The following CCDC191 variants were observed in gnomAD, a reference collection of about 807,000 sequenced individuals.
The protein encoded by CCDC191 is coiled-coil domain containing 191.
In CCDC191, 99 loss-of-function variants were observed where a neutral mutation model predicts 114.0. The ratio of observed to expected loss-of-function variants is 0.87; its 90% CI spans 0.74 to 1.03. CCDC191 has a LOEUF of 1.03. CCDC191 is among the 50% of genes least tolerant of loss of function. CCDC191 has a pLI of 0.00. For missense variants in CCDC191, 973 were observed against 1,087.0 expected, an observed-to-expected ratio of 0.90 and a Z score of 1.47; for synonymous variants, 351 against 376.0, an observed-to-expected ratio of 0.93 and a Z score of 0.77.
chr3:114,054,638 A>AAAAC (rs941712851), intron 1 of CCDC191, among the ~76,000 whole-genome samples: 54 of 152,024 alleles, frequency 3.6e-4, no homozygotes, highest in South Asian at 2.9e-3. Context: ...CTCTGTCTCA[A>AAAAC]AAACAAACAA....
chr3:114,056,027 AAGAG>A (rs1028804420), intron 1 of CCDC191, among the ~76,000 whole-genome samples: 32 of 151,858 alleles, frequency 2.1e-4, no homozygotes, highest in Non-Finnish European at 3.5e-4. Context: ...AAAAAAAAAA[AAGAG>A]AGAGAAAAAG....
chr3:114,026,681 G>A (rs952793781), intron 7 of CCDC191, among the ~76,000 whole-genome samples: 1 of 152,192 alleles, frequency 6.6e-6, no homozygotes, highest in Non-Finnish European at 1.5e-5. Context: ...CATTCTGTCA[G>A]AGAAAAACTC....
intron 3 of CCDC191, 82 bp from the exon 4 acceptor site, chr3:114,042,928 T>TGA: frequency 7.7e-7 from 1 of 1,303,822 alleles, no homozygotes; most frequent in Non-Finnish European, 1.1e-6. Context: ...ATTCAATAAA[T>TGA]ATTAATTGAG....
At chr3:114,038,895 G>A (rs1022453880) in intron 4 of CCDC191, among the ~76,000 whole-genome samples, 41 of 152,282 alleles carry the variant, frequency 2.7e-4, no homozygotes, top group African/African-American at 9.9e-4. Context: ...GTGGCAGGGG[G>A]AGGAAGAGCA....
chr3:114,009,160 T>C (rs575381385), intron 9 of CCDC191, among the ~76,000 whole-genome samples: 1 of 152,272 alleles, frequency 6.6e-6, no homozygotes, highest in Admixed American at 6.5e-5. Flanking sequence ...TTGCTCTAGA[T>C]GAGTGAATGT....
intron 8 of CCDC191, among the ~76,000 whole-genome samples, chr3:114,013,307 T>C (rs2076104517): frequency 6.6e-6 from 1 of 151,700 alleles, no homozygotes; most frequent in Non-Finnish European, 1.5e-5. Flanking sequence ...TCTGTATTTG[T>C]GGTTTGAGGC....
Position 114,018,856 on chromosome 3 carries a change from A to G in CCDC191, c.985T>C (p.Tyr329His). ...ATCAGCTTGTGCCAGGCAGCGAAAT[A>G]CCGTTTTTGACACTGCAGCGGAAAT... is the stretch of plus-strand genomic sequence containing the variant. ...FKENQQCQKR[Y>H]FAAWHKLILD... Residue 329 changes from tyrosine to histidine, a missense_variant, in exon 8 of 17, where the codon TAT (tyrosine) becomes CAT (histidine). Transcript: ENST00000295878. The G allele has an allele frequency of 6.2e-7, 1 of 1,613,464 alleles. No homozygotes were observed. The highest frequency in any genetic ancestry group is 1.1e-5 in the South Asian group (1 of 91,042).
chr3:114,018,791 C>A lies in CCDC191; in HGVS notation c.1050G>T (p.Leu350=), dbSNP rs2076202595. 5 of 1,613,932 alleles carry A rather than the reference C, an allele frequency of 3.1e-6. No individual in the cohort carries two copies. Among genetic ancestry groups the A allele is most frequent in the Non-Finnish European group, 4.2e-6 (5 of 1,179,868 alleles). Residue 350 remains leucine, a synonymous_variant, in exon 8 of 17, where the codon CTG becomes CTT. Coordinates refer to ENST00000295878, the MANE Select transcript of CCDC191 (RefSeq NM_020817.2). ...HRIKLGKAGT[L]SDWKIQLKVL... ...CCTTCAGCTGAATCTTCCAGTCAGACAGGGTCCCAGCTTTCCCCAGCTTAA... is the reference window on the plus strand; with the variant it reads ...CCTTCAGCTGAATCTTCCAGTCAGAAAGGGTCCCAGCTTTCCCCAGCTTAA...
At position 113,994,502 on chromosome 3, in the gene CCDC191, C is replaced by G. The variant is rs9881583; in HGVS notation, c.2163+7093G>C. On this transcript the variant is annotated intron_variant, in intron 13 of 16. Transcript: ENST00000295878. Reference sequence around the variant, plus strand: ...TTTGGCAATTACCTATAAACTTAAACATTGACTTACCACACTACCTAGCAA... The same window carrying G: ...TTTGGCAATTACCTATAAACTTAAAGATTGACTTACCACACTACCTAGCAA... Among the ~76,000 whole-genome samples the G allele has an allele frequency of 3.8e-3, 574 of 151,900 alleles. 4 individuals are homozygous for G. The highest frequency in any genetic ancestry group is 0.013 in the African/African-American group (537 of 41,422).
At position 114,034,935 on chromosome 3, in the gene CCDC191, C is replaced by T. The variant is rs2076460534; in HGVS notation, c.808G>A (p.Ala270Thr). 1.9e-6 allele frequency: 3 copies of T among 1,613,762 alleles called. No homozygotes were observed. Among genetic ancestry groups the T allele is most frequent in the Non-Finnish European group, 1.7e-6 (2 of 1,179,894 alleles). The change falls in exon 6 of 17, where the codon GCA (alanine) becomes ACA (threonine). Residue 270 changes from alanine (A) to threonine (T), a missense_variant. Coordinates refer to ENST00000295878, the MANE Select transcript of CCDC191 (RefSeq NM_020817.2). ...IIERRRTVKA[A>T]WKIEKKRQEE... ...ATCACACTGGCTTACATTTTCCATG[C>T]TGCTTTCACAGTGCGTCTCCTCTCA...
At chr3:113,989,045 C>T (rs1329728967) in intron 13 of CCDC191, among the ~76,000 whole-genome samples, 1 of 152,196 alleles carries the variant, frequency 6.6e-6, no homozygotes, top group Non-Finnish European at 1.5e-5. Context: ...ATCTGCCTGC[C>T]TCAGCCTCCC....
intron 16 of CCDC191, among the ~76,000 whole-genome samples, chr3:113,971,636 TTTC>T (rs1940831683): frequency 6.6e-6 from 1 of 152,192 alleles, no homozygotes; most frequent in African/African-American, 2.4e-5. Context: ...AGTTTTCTTT[TTTC>T]TTATCATGTC....
At chr3:113,972,253 C>T (rs1409643969) in intron 16 of CCDC191, among the ~76,000 whole-genome samples, 1 of 151,994 alleles carries the variant, frequency 6.6e-6, no homozygotes, top group Non-Finnish European at 1.5e-5. Context: ...TTTACTATAA[C>T]CTATAGATTT....
intron 13 of CCDC191, among the ~76,000 whole-genome samples, chr3:113,994,643 G>C (rs1030108872): frequency 1.4e-5 from 2 of 147,848 alleles, no homozygotes; most frequent in Non-Finnish European, 3.0e-5. Context: ...GAGTGCAGTA[G>C]CAAAATAATA....
intron 7 of CCDC191, among the ~76,000 whole-genome samples, chr3:114,021,906 A>G (rs1045640441): frequency 1.3e-5 from 2 of 152,056 alleles, no homozygotes; most frequent in African/African-American, 2.4e-5. Flanking sequence ...TTTTTGTACC[A>G]TGTTTTTATT....
intron 12 of CCDC191, among the ~76,000 whole-genome samples, chr3:114,002,054 C>T (rs1436401246): frequency 6.6e-6 from 1 of 152,132 alleles, no homozygotes; most frequent in Admixed American, 6.5e-5. Flanking sequence ...AGAAAACCCC[C>T]AATTGTTGGA....
chr3:114,002,563 A>G, intron 11 of CCDC191, 25 bp from the exon 12 acceptor site: 1 of 1,533,368 alleles, frequency 6.5e-7, no homozygotes. Context: ...CAGAGTTCTA[A>G]TATTTTTTAT....
intron 4 of CCDC191, 124 bp from the exon 5 acceptor site, chr3:114,036,910 G>A (rs1428655875): frequency 1.8e-6 from 1 of 548,744 alleles, no homozygotes. Flanking sequence ...TCAATAAATA[G>A]TAACTGATAA....
In CCDC191 at chr3:114,035,004, C is replaced by T. The variant is rs1295564781; in HGVS notation, c.739G>A (p.Glu247Lys). The T allele has an allele frequency of 1.2e-6, 2 of 1,613,986 alleles. No individual in the cohort carries two copies. Among genetic ancestry groups the T allele is most frequent in the Non-Finnish European group, 1.7e-6 (2 of 1,180,012 alleles). The change falls in exon 6 of 17, where the codon GAG becomes AAG. Residue 247 changes from glutamate to lysine, a missense_variant. Physicochemically the swap from Glu to Lys is moderately conservative, Grantham distance 56. Transcript: ENST00000295878. ...TTCACCATCTCCCTTTGAATCTCCT[C>T]TTCCTCTTTCTTGGCCTCCAGAGCC... ...RKALEAKKEEEEIQREMVKLR... is the reference protein window; with the variant it reads ...RKALEAKKEEKEIQREMVKLR...
Sources: gnomAD v4.1 joint callset for allele counts (sites outside exome capture counted in the v4.1 genomes callset) on GRCh38, gnomAD v4.1.1 for gene constraint, MANE v1.5 for transcripts, NCBI Gene and HGNC (gene_info 2026-07-23, HGNC 2026-07-21) for gene names.